Variants in SLC35F5 observed in about 807,000 individuals in gnomAD.
SLC35F5 encodes solute carrier family 35 member F5.
Under a neutral mutation model 68.6 loss-of-function variants are expected in SLC35F5, and 54 were observed. That is an observed-to-expected ratio of 0.79 (90% CI 0.63 to 0.99). SLC35F5 has a LOEUF of 0.99. SLC35F5 is among the 50% of genes least tolerant of loss of function. The pLI, the probability that SLC35F5 is intolerant of heterozygous loss-of-function variation, is 0.00. For synonymous variants in SLC35F5, 211 were observed against 205.2 expected (o/e 1.03, Z -0.24); for missense variants, 567 against 626.9 (o/e 0.90, Z 1.02).
chr2:113,726,189 C>A (rs1189846137), intron 11 of SLC35F5, among the ~76,000 whole-genome samples: 1 of 152,128 alleles, frequency 6.6e-6, no homozygotes, highest in Non-Finnish European at 1.5e-5. Flanking sequence ...AAGCCTTATA[C>A]CTCTTTAAGC....
chr2:113,731,455 C>G (rs1009894748), intron 10 of SLC35F5, 129 bp downstream of exon 10: 1 of 603,298 alleles, frequency 1.7e-6, no homozygotes, highest in Non-Finnish European at 3.0e-6. Flanking sequence ...ATGTTATTTC[C>G]AAAGGAAAAG....
Position 113,740,048 on chromosome 2 carries a change from G to C in SLC35F5, c.750+2644C>G, listed in dbSNP as rs376964693. On this transcript the variant is annotated intron_variant, in intron 7 of 15. Transcript: ENST00000245680. The stretch of plus-strand genomic sequence containing the variant: ...TGTAAGAAGGCTGGGGAAGAGAAGG[G>C]ATTGGTCTTGCTGTTTTAGGTGTGG... 2.0e-5 allele frequency among the ~76,000 whole-genome samples: 3 copies of C among 152,172 alleles called. No homozygotes were observed. The South Asian group carries it at 6.2e-4, about 32-fold the overall frequency.
intron 7 of SLC35F5, among the ~76,000 whole-genome samples, chr2:113,740,099 A>G (rs915111766): frequency 2.6e-5 from 4 of 152,194 alleles, no homozygotes; most frequent in Admixed American, 2.6e-4. Context: ...ATCTGTGTGT[A>G]AGCATACCTG....
chr2:113,714,012 G>C lies in SLC35F5; in HGVS notation c.*1206C>G, dbSNP rs1687087077. 1 of 152,076 alleles carries C rather than the reference G, an allele frequency of 6.6e-6. No homozygotes were observed. Among genetic ancestry groups the C allele is most frequent in the Non-Finnish European group, 1.5e-5 (1 of 67,968 alleles). The allele number at this position is 152,076 out of a possible 1,614,324, so 9.4% of individuals were successfully genotyped here. ...TCACAGCAAACTTGAAAAGAATATT[G>C]ATTAATCAAAAGCCTGTGAATCCTG... On this transcript the variant is annotated 3_prime_UTR_variant, in exon 16 of 16. Transcript: ENST00000245680.
At chr2:113,746,977 A>C (rs1157080959) in intron 4 of SLC35F5, among the ~76,000 whole-genome samples, 1 of 151,708 alleles carries the variant, frequency 6.6e-6, no homozygotes, top group Non-Finnish European at 1.5e-5. Context: ...TTATGAAATT[A>C]ATTTTGACCT....
At position 113,750,435 on chromosome 2, in the gene SLC35F5, T is replaced by C. The variant is rs1390668273; in HGVS notation, c.407A>G (p.His136Arg). 4 of 1,598,998 alleles carry C rather than the reference T, an allele frequency of 2.5e-6. No homozygotes were observed. The highest frequency in any genetic ancestry group is 3.4e-6 in the Non-Finnish European group (4 of 1,173,754). ...AAATTAAAAACTTACAAAAGCAGCA[T>C]GCTTTCCGCGAAGTCCTCTTGTACA... The part of the protein sequence containing the change: ...QQCTRGLRGK[H>R]AAFFADAEGY... The change falls in exon 4 of 16, where the codon CAT (histidine) becomes CGT (arginine). Residue 136 changes from histidine to arginine, a missense_variant. Transcript: ENST00000245680.
intron 8 of SLC35F5, among the ~76,000 whole-genome samples, chr2:113,735,443 T>C (rs72944700): frequency 0.11 from 16,800 of 152,196 alleles, 995 homozygotes; most frequent in Non-Finnish European, 0.13. Flanking sequence ...TACCAACTTA[T>C]ATGGCATGCT....
chr2:113,712,426 G>C lies in SLC35F5; in HGVS notation c.*2792C>G, dbSNP rs906168999. On this transcript the variant is annotated 3_prime_UTR_variant, in exon 16 of 16. Coordinates refer to ENST00000245680, the MANE Select transcript of SLC35F5 (RefSeq NM_025181.5). ...CCGCCTCCCGGGTTCACGCCATTCTGCTGCCTCAGCCTCCCGAGCAGCTGG... is the reference window on the plus strand; with the variant it reads ...CCGCCTCCCGGGTTCACGCCATTCTCCTGCCTCAGCCTCCCGAGCAGCTGG... 3.3e-5 allele frequency among the ~76,000 whole-genome samples: 5 copies of C among 151,988 alleles called. No individual in the cohort carries two copies. The highest frequency in any genetic ancestry group is 1.2e-4 in the African/African-American group (5 of 41,382).
At chr2:113,719,711 TC>T (rs1687350564) in intron 13 of SLC35F5, 1 of 155,728 alleles carries the variant, frequency 6.4e-6, no homozygotes, top group Non-Finnish European at 1.4e-5. Context: ...GAAGTCATCT[TC>T]AAAAAATGTA....
chr2:113,751,213 G>A (rs1191791971), intron 3 of SLC35F5, among the ~76,000 whole-genome samples: 1 of 152,094 alleles, frequency 6.6e-6, no homozygotes, highest in Non-Finnish European at 1.5e-5. Context: ...ATCTAATAGA[G>A]GAGACATATA....
chr2:113,704,601 C>CA (rs1210649508), downstream of SLC35F5, among the ~76,000 whole-genome samples: 2 of 152,052 alleles, frequency 1.3e-5, no homozygotes, highest in Non-Finnish European at 2.9e-5. Context: ...GCCGGTGGGC[C>CA]GGCACTGCTG....
Position 113,715,941 on chromosome 2 carries a change from G to A in SLC35F5, c.*23-746C>T, listed in dbSNP as rs181672142. ...AAACCTCACTAAAAAGGAAACAAAG[G>A]GTTAAAAAAATATATTTTTTAACAG... is the stretch of plus-strand genomic sequence containing the variant. On this transcript the variant is annotated intron_variant, in intron 15 of 15. Coordinates refer to ENST00000245680, the MANE Select transcript of SLC35F5 (RefSeq NM_025181.5). Among the ~76,000 whole-genome samples, 241 of 151,806 alleles carry A rather than the reference G, an allele frequency of 1.6e-3. 1 individual carries two copies. The highest frequency in any genetic ancestry group is 5.6e-3 in the African/African-American group (231 of 41,426).
chr2:113,750,700 C>G, intron 3 of SLC35F5, 132 bp from the exon 4 acceptor site: 1 of 758,370 alleles, frequency 1.3e-6, no homozygotes, highest in Non-Finnish European at 2.0e-6. Flanking sequence ...AAAGCGATTA[C>G]AAAAGTATTT....
At chr2:113,737,132 A>G (rs985186420) in intron 7 of SLC35F5, among the ~76,000 whole-genome samples, 1 of 152,190 alleles carries the variant, frequency 6.6e-6, no homozygotes, top group Non-Finnish European at 1.5e-5. Flanking sequence ...GAGTTATTCC[A>G]CCAAATGACT....
intron 15 of SLC35F5, among the ~76,000 whole-genome samples, chr2:113,715,534 C>T (rs145712603): frequency 6.6e-6 from 1 of 152,256 alleles, no homozygotes; most frequent in East Asian, 1.9e-4. Context: ...CTCTCCTTTA[C>T]ACAGCTCTCA....
At position 113,719,251 on chromosome 2, in the gene SLC35F5, T is replaced by TA; in HGVS notation, c.1398dup (p.Ile467TyrfsTer9). ...TTATAATGGCATAGGAGAGTTACAA[T>TA]AAAAAATGAAAAAAATACAGGGATA... is the stretch of plus-strand genomic sequence containing the variant. On this transcript the variant is annotated frameshift_variant, in exon 14 of 16. Transcript: ENST00000245680. LOFTEE classifies it high-confidence loss of function. 6.3e-7 allele frequency: 1 copy of TA among 1,593,572 alleles called. No individual in the cohort carries two copies. Among genetic ancestry groups the TA allele is most frequent in the Middle Eastern group, 1.8e-4 (1 of 5,670 alleles).
chr2:113,750,596 C>T (rs1261147673), intron 3 of SLC35F5, 28 bp from the exon 4 acceptor site: 3 of 1,581,100 alleles, frequency 1.9e-6, no homozygotes, highest in South Asian at 2.3e-5. Flanking sequence ...ACACAGACAA[C>T]TCTGAGATGA....
Position 113,755,181 on chromosome 2 carries a change from G to T in SLC35F5, c.257C>A (p.Ser86Tyr). ...LLLVDVIWVA[S>Y]SELTSYVFTQ... is the part of the protein sequence containing the mutation. ...GGTACATACCGAAGTAAGTTCAGAG[G>T]AAGCAACCCATATCACATCAACAAG... Residue 86 changes from serine (S) to tyrosine (Y), a missense_variant, in exon 3 of 16, where the codon TCC becomes TAC. By Grantham distance (144) the Ser-to-Tyr change is moderately radical (BLOSUM62 -2). Transcript: ENST00000245680. 1 of 1,614,006 alleles carries T rather than the reference G, an allele frequency of 6.2e-7. No individual in the cohort carries two copies. Among genetic ancestry groups the T allele is most frequent in the Non-Finnish European group, 8.5e-7 (1 of 1,179,996 alleles).
In SLC35F5 at chr2:113,719,319, AAGAT is replaced by A; in HGVS notation, c.1342-15_1342-12del. 6.5e-7 allele frequency: 1 copy of A among 1,545,234 alleles called. No homozygotes were observed. The highest frequency in any genetic ancestry group is 8.6e-7 in the Non-Finnish European group (1 of 1,161,988). ...CCAAGAAAACTGCACCTAAAAATAA[AAGAT>A]AGAGGAAAAAACACACCCACAATTA... On this transcript the variant is annotated splice_polypyrimidine_tract_variant and intron_variant, in intron 13 of 15. Transcript: ENST00000245680.
Sources: allele counts gnomAD v4.1 joint callset (sites outside exome capture counted in the v4.1 genomes callset), GRCh38; gene constraint gnomAD v4.1.1; transcripts MANE v1.5; gene names NCBI Gene and HGNC (gene_info 2026-07-23, HGNC 2026-07-21).